Variants in NEBL observed in about 807,000 individuals in gnomAD.
The protein encoded by NEBL is LIM and SH3 protein 2.
In NEBL, 122 loss-of-function variants were observed where a neutral mutation model predicts 140.2. That is an observed-to-expected ratio of 0.87 (90% CI 0.75 to 1.01). NEBL has a LOEUF of 1.01. Among genes scored for constraint, NEBL ranks in the 50% least tolerant of loss-of-function variants. NEBL has a pLI of 0.00. For synonymous variants in NEBL, 436 were observed against 398.9 expected (o/e 1.09, Z -1.11); for missense variants, 1,365 against 1,231.3 (o/e 1.11, Z -1.62).
chr10:21,271,628 C>A (rs776420707), intron 1 of NEBL, among the ~76,000 whole-genome samples: 1 of 151,176 alleles, frequency 6.6e-6, no homozygotes, highest in African/African-American at 2.4e-5. Context: ...CAGGTTCAAG[C>A]GATTCTCCTG....
intron 20 of NEBL, among the ~76,000 whole-genome samples, chr10:20,818,265 A>G (rs902872050): frequency 7.9e-6 from 1 of 127,146 alleles, no homozygotes. Context: ...AAGTTCAACA[A>G]TATGTTCCAA....
At chr10:21,174,021 G>A (rs1841211814) in exon 1 of NEBL, 1 of 1,154,156 alleles carries the variant, frequency 8.7e-7, no homozygotes, top group Non-Finnish European at 1.1e-6. Context: ...GGCGCCTGGG[G>A]CCGGCCGCGC....
intron 11 of NEBL, among the ~76,000 whole-genome samples, chr10:20,846,692 T>C (rs952721904): frequency 2.0e-5 from 3 of 152,178 alleles, no homozygotes; most frequent in Non-Finnish European, 2.9e-5. Flanking sequence ...AAAAGGACTC[T>C]TTAAATGGTG....
intron 8 of NEBL, among the ~76,000 whole-genome samples, chr10:20,858,780 C>G (rs997642603): frequency 9.2e-5 from 14 of 152,080 alleles, no homozygotes; most frequent in African/African-American, 3.4e-4. Context: ...TAATAATAAA[C>G]CATTGATAGC....
intron 3 of NEBL, among the ~76,000 whole-genome samples, chr10:21,011,345 T>C (rs754728812): frequency 6.6e-6 from 1 of 152,254 alleles, no homozygotes; most frequent in Non-Finnish European, 1.5e-5. Context: ...AGCTTCTTTA[T>C]GTGTTAGAGC....
At position 21,113,095 on chromosome 10, in the gene NEBL, A is replaced by T. The variant is rs1281496887; in HGVS notation, c.164+59288T>A. 2.5e-5 allele frequency: 6 copies of T among 239,472 alleles called. No individual in the cohort carries two copies. In the East Asian group the frequency reaches 8.5e-4, roughly 34 times the overall value. The allele number at this position is 239,472 out of a possible 1,614,324, so 14.8% of individuals were successfully genotyped here. A position where few individuals can be genotyped will look rare whatever the true frequency, so the allele number is the denominator to read the frequency against. On this transcript the variant is annotated intron_variant, in intron 2 of 6. Coordinates refer to the NEBL transcript ENST00000417816. ...GAGAAAGAGAAGGAGAATAAGAATA[A>T]GAAGAAGGAGGAGGCGGAGGAAGTG...
intron 2 of NEBL, among the ~76,000 whole-genome samples, chr10:21,106,036 TG>T (rs1837701418): frequency 6.6e-6 from 1 of 152,090 alleles, no homozygotes; most frequent in Non-Finnish European, 1.5e-5. Context: ...TGGGGTTGTT[TG>T]TTTTTTTTCT....
intron 13 of NEBL, among the ~76,000 whole-genome samples, chr10:20,838,965 T>G (rs1454392637): frequency 6.6e-6 from 1 of 152,116 alleles, no homozygotes; most frequent in Non-Finnish European, 1.5e-5. Flanking sequence ...AACCAAAAAG[T>G]TCATGCGAAT....
intron 3 of NEBL, among the ~76,000 whole-genome samples, chr10:21,222,749 A>G (rs111883788): frequency 2.0e-5 from 3 of 152,110 alleles, no homozygotes; most frequent in African/African-American, 7.2e-5. Flanking sequence ...AAGCAATCCA[A>G]TTATGCTCTT....
At chr10:20,900,767 C>T (rs192807142), upstream of NEBL, among the ~76,000 whole-genome samples, 662 of 149,026 alleles carry the variant, frequency 4.4e-3, 8 homozygotes, top group African/African-American at 0.016. Flanking sequence ...ATCGCTTGAA[C>T]TTGGGAGGCG....
At chr10:20,828,348 A>G (rs1588706623) in intron 17 of NEBL, among the ~76,000 whole-genome samples, 182 bp downstream of exon 17, 1 of 151,662 alleles carries the variant, frequency 6.6e-6, no homozygotes, top group East Asian at 1.9e-4. Context: ...CCAAAAAAAT[A>G]ATGAAAAATG....
chr10:20,806,238 A>G (rs1226081992), intron 26 of NEBL, among the ~76,000 whole-genome samples: 2 of 152,140 alleles, frequency 1.3e-5, no homozygotes, highest in African/African-American at 2.4e-5. Flanking sequence ...CTGCAGAGGG[A>G]GTAGAGGCAT....
rs1207801626 is a variant in NEBL, at chr10:20,896,962, C to T, written c.149G>A (p.Ser50Asn). The T allele has an allele frequency of 2.5e-6, 4 of 1,613,640 alleles. No individual in the cohort carries two copies. Among genetic ancestry groups the T allele is most frequent in the Non-Finnish European group, 2.5e-6 (3 of 1,179,780 alleles). ...AAAATTACTCCAGCCACTTACATCG[C>T]TAATGAGTTCCGTGCATTTTCTGGC... ...ELARKCTELISDIRYKEEFKK... is the reference protein window; with the variant it reads ...ELARKCTELINDIRYKEEFKK... The change falls in exon 2 of 28, where the codon AGC becomes AAC. Residue 50 changes from serine (S) to asparagine (N), a missense_variant. Around this residue, in one of 2 missense-constraint regions of NEBL, gnomAD observed 1,323 missense variants for 1,154.8 expected, o/e 1.15. Coordinates refer to ENST00000377122, the MANE Select transcript of NEBL (RefSeq NM_006393.3).
At chr10:21,209,570 A>G (rs1841882496) in intron 3 of NEBL, among the ~76,000 whole-genome samples, 1 of 152,098 alleles carries the variant, frequency 6.6e-6, no homozygotes, top group Non-Finnish European at 1.5e-5. Context: ...ATACGTGCCA[A>G]TAGCACATAA....
rs570899496 is a variant in NEBL at position 20,955,235 on chromosome 10, C to A, written c.357+6437G>T. ...ATAAATGGAAAGAGACATGGATGAT[C>A]TTCACCTATGGGAAGTTAAGGAGGT... On this transcript the variant is annotated intron_variant, in intron 4 of 6. Transcript: ENST00000417816. Among the ~76,000 whole-genome samples, 3 of 152,304 alleles carry A rather than the reference C, an allele frequency of 2.0e-5. No individual in the cohort carries two copies. The South Asian group carries it at 6.2e-4, about 32-fold the overall frequency.
chr10:21,170,681 C>G (rs1841032569), intron 2 of NEBL: 1 of 152,582 alleles, frequency 6.6e-6, no homozygotes, highest in African/African-American at 2.4e-5. Flanking sequence ...CTGTTCAATG[C>G]CCCCATTTTC....
chr10:21,074,394 C>T (rs1020999391), intron 2 of NEBL, among the ~76,000 whole-genome samples: 3 of 152,182 alleles, frequency 2.0e-5, no homozygotes, highest in African/African-American at 7.2e-5. Flanking sequence ...TCATCCACTT[C>T]ACAGAGGATG....
chr10:21,255,961 G>A lies in NEBL; in HGVS notation n.183-4133C>T, dbSNP rs578146957. Among the ~76,000 whole-genome samples, 8 of 146,992 alleles carry A rather than the reference G, an allele frequency of 5.4e-5. No homozygotes were observed. The South Asian group carries it at 6.4e-4, about 12-fold the overall frequency. On this transcript the variant is annotated intron_variant and non_coding_transcript_variant, in intron 1 of 8. Transcript: ENST00000675702. ...CGCACCACTGCACTCCAGCCTGGGCGACAGAGCGAGACTCTGTCTCAAAAA... is the reference window on the plus strand; with the variant it reads ...CGCACCACTGCACTCCAGCCTGGGCAACAGAGCGAGACTCTGTCTCAAAAA...
chr10:21,093,804 A>T (rs1837035443), intron 2 of NEBL, among the ~76,000 whole-genome samples: 1 of 152,194 alleles, frequency 6.6e-6, no homozygotes, highest in Admixed American at 6.5e-5. Flanking sequence ...TTCTTGTGAA[A>T]ATCTTTTATA....
Sources: allele counts gnomAD v4.1 joint callset (sites outside exome capture counted in the v4.1 genomes callset), GRCh38; gene constraint gnomAD v4.1.1; regional missense constraint gnomAD v4.1.1; transcripts MANE v1.5; gene names NCBI Gene and HGNC (gene_info 2026-07-23, HGNC 2026-07-21).